The following RALYL variants were observed in gnomAD, a reference collection of about 807,000 sequenced individuals.
RALYL encodes the protein RNA-binding Raly-like protein.
In RALYL, 29 loss-of-function variants were observed where a neutral mutation model predicts 35.1. The observed-to-expected ratio is 0.83, with a 90% CI of 0.61 to 1.13. The LOEUF is 1.13. Among genes scored for constraint, RALYL ranks in the 50% most tolerant of loss-of-function variants. The probability of loss-of-function intolerance (pLI) is 0.00; values close to 1 mark genes in which losing one functional copy is unlikely to be tolerated. For synonymous variants in RALYL, 120 were observed against 127.6 expected (o/e 0.94, Z 0.40); for missense variants, 359 against 360.4 (o/e 1.00, Z 0.03).
chr8:84,556,970 A>T (rs2061166708), intron 2 of RALYL, among the ~76,000 whole-genome samples: 1 of 152,216 alleles, frequency 6.6e-6, no homozygotes, highest in Admixed American at 6.5e-5. Flanking sequence ...CGCATAGCAT[A>T]ATTTAGAGAA....
chr8:84,288,501 A>C (rs1210799071), intron 1 of RALYL, among the ~76,000 whole-genome samples: 1 of 149,146 alleles, frequency 6.7e-6, no homozygotes, highest in African/African-American at 2.4e-5. Flanking sequence ...AATTACATGA[A>C]ATTCTGTGTG....
In RALYL at chr8:84,611,138, T is replaced by C. The variant is rs1038348604; in HGVS notation, c.256+81561T>C. On this transcript the variant is annotated intron_variant, in intron 2 of 8. Coordinates refer to ENST00000521268, the MANE Select transcript of RALYL (RefSeq NM_173848.7). ...GTGTTATTATTATCACAGTTTATCC[T>C]ACTTTACAGAAAACTAAAAGTGGTA... is the stretch of plus-strand genomic sequence containing the variant. Among the ~76,000 whole-genome samples the C allele has an allele frequency of 2.6e-5, 4 of 152,270 alleles. No homozygotes were observed. The South Asian group carries it at 6.2e-4, about 24-fold the overall frequency.
chr8:84,895,401 C>T (rs1413924910), intron 8 of RALYL, among the ~76,000 whole-genome samples: 1 of 149,772 alleles, frequency 6.7e-6, no homozygotes, highest in Non-Finnish European at 1.5e-5. Context: ...TGATGTAGAG[C>T]ATTTGTATCC....
At chr8:84,751,601 G>A (rs979855868) in intron 2 of RALYL, among the ~76,000 whole-genome samples, 32 of 152,134 alleles carry the variant, frequency 2.1e-4, no homozygotes, top group African/African-American at 7.5e-4. Flanking sequence ...ATTATTGGAG[G>A]TGGGGACTGG....
At chr8:84,894,133 C>T (rs1321285001) in intron 8 of RALYL, among the ~76,000 whole-genome samples, 1 of 152,142 alleles carries the variant, frequency 6.6e-6, no homozygotes, top group Non-Finnish European at 1.5e-5. Flanking sequence ...ATAAAGCATT[C>T]TGATCAGTAT....
At chr8:84,556,481 A>G (rs751107779) in intron 2 of RALYL, among the ~76,000 whole-genome samples, 23 of 152,184 alleles carry the variant, frequency 1.5e-4, no homozygotes, top group African/African-American at 5.3e-4. Flanking sequence ...CCTATCGACC[A>G]TGAAGAACTT....
intron 2 of RALYL, among the ~76,000 whole-genome samples, chr8:84,653,202 T>C (rs979733622): frequency 5.3e-5 from 8 of 152,106 alleles, no homozygotes; most frequent in African/African-American, 1.9e-4. Context: ...ACTACTCTTC[T>C]TCAGCTGCTT....
intron 2 of RALYL, among the ~76,000 whole-genome samples, chr8:84,671,731 T>G (rs1337647248): frequency 6.6e-6 from 1 of 152,270 alleles, no homozygotes; most frequent in East Asian, 1.9e-4. Context: ...CACACAGCAG[T>G]GGGGGCCTGG....
chr8:84,274,649 G>T (rs907404162), intron 1 of RALYL, among the ~76,000 whole-genome samples: 2 of 152,246 alleles, frequency 1.3e-5, no homozygotes, highest in South Asian at 4.1e-4. Context: ...CTCCTTTGGT[G>T]TTGGCATTTT....
intron 2 of RALYL, among the ~76,000 whole-genome samples, chr8:84,596,442 T>A (rs1814556752): frequency 1.3e-5 from 2 of 152,176 alleles, no homozygotes; most frequent in African/African-American, 4.8e-5. Flanking sequence ...ACAGGAACCA[T>A]CAGTTTTTCA....
chr8:84,390,115 T>G (rs536925814), intron 1 of RALYL, among the ~76,000 whole-genome samples: 8 of 152,266 alleles, frequency 5.3e-5, no homozygotes, highest in Admixed American at 3.3e-4. Flanking sequence ...GGTTTTTGTC[T>G]TTGGTTCTGT....
At chr8:84,643,003 G>T (rs1312327214) in intron 2 of RALYL, among the ~76,000 whole-genome samples, 1 of 152,002 alleles carries the variant, frequency 6.6e-6, no homozygotes, top group Non-Finnish European at 1.5e-5. Flanking sequence ...GCCCAAAGGA[G>T]TAAGGCTGTA....
intron 2 of RALYL, among the ~76,000 whole-genome samples, chr8:84,597,401 A>G (rs1476762218): frequency 6.6e-6 from 1 of 152,042 alleles, no homozygotes; most frequent in African/African-American, 2.4e-5. Context: ...ATTCTGTTTT[A>G]TTGTCCAAAC....
chr8:84,460,211 A>G (rs2133368423), intron 1 of RALYL, among the ~76,000 whole-genome samples: 1 of 151,880 alleles, frequency 6.6e-6, no homozygotes, highest in Non-Finnish European at 1.5e-5. Context: ...GGGTTTAAAT[A>G]AATTATGGAA....
At chr8:84,762,911 G>A (rs1813039332) in intron 2 of RALYL, among the ~76,000 whole-genome samples, 1 of 152,068 alleles carries the variant, frequency 6.6e-6, no homozygotes, top group Non-Finnish European at 1.5e-5. Flanking sequence ...TGTCTTTCCT[G>A]AAAGCTTTAT....
intron 2 of RALYL, among the ~76,000 whole-genome samples, chr8:84,649,708 G>A (rs996132560): frequency 3.3e-4 from 50 of 152,192 alleles, no homozygotes; most frequent in Non-Finnish European, 5.1e-4. Context: ...TTGAAGTCAG[G>A]TAGTGTGATG....
At chr8:84,664,263 A>AGTTT (rs1831498539) in intron 2 of RALYL, among the ~76,000 whole-genome samples, 1 of 58,034 alleles carries the variant, frequency 1.7e-5, no homozygotes, top group African/African-American at 7.4e-5. Context: ...ATGCCTCTAG[A>AGTTT]TTTTTTTTTT....
intron 1 of RALYL, among the ~76,000 whole-genome samples, chr8:84,296,739 C>A (rs1839832269): frequency 7.0e-6 from 1 of 141,928 alleles, no homozygotes; most frequent in Non-Finnish European, 1.5e-5. Flanking sequence ...AGAGTAATTA[C>A]TTGTTTCTTT....
intron 4 of RALYL, among the ~76,000 whole-genome samples, chr8:84,821,940 T>G (rs1427053): frequency 0.032 from 4,849 of 152,236 alleles, 269 homozygotes; most frequent in African/African-American, 0.11. Context: ...TAGTAAAAAT[T>G]TCACTAGATC....
Sources: gnomAD v4.1 joint callset for allele counts (sites outside exome capture counted in the v4.1 genomes callset) on GRCh38, gnomAD v4.1.1 for gene constraint, MANE v1.5 for transcripts, NCBI Gene and HGNC (gene_info 2026-07-23, HGNC 2026-07-21) for gene names.